Variants in GPHN observed in about 807,000 individuals in gnomAD.
The protein encoded by GPHN is gephyrin.
A neutral mutation model predicts 95.5 loss-of-function variants in GPHN; 17 were observed. That is an observed-to-expected ratio of 0.18 (90% CI 0.12 to 0.27). GPHN has a LOEUF of 0.27. GPHN is among the 10% of genes least tolerant of loss of function. The pLI, the probability that GPHN is intolerant of heterozygous loss-of-function variation, is 1.00. For synonymous variants in GPHN, 320 were observed against 322.5 expected, an observed-to-expected ratio of 0.99 and a Z score of 0.08; for missense variants, 660 against 978.1, an observed-to-expected ratio of 0.67 and a Z score of 4.34.
At chr14:67,686,354 T>C in the GPHN span, 6 of 152,196 alleles carry the variant, frequency 3.9e-5, no homozygotes, top group Admixed American at 6.6e-5. Context: ...GAGTGCCTGA[T>C]GCAGCTGGGC....
At chr14:67,573,271 C>T in the GPHN span, 1 of 1,592,314 alleles carries the variant, frequency 6.3e-7, no homozygotes, top group Non-Finnish European at 8.6e-7. This position sits in a 1 kb window ranked among gnomAD's most constrained non-coding sequence, Gnocchi z 4.8. Flanking sequence ...CCTTCCACCC[C>T]TCAGGAGTCA....
chr14:66,877,135 A>G (rs1596247006), intron 4 of GPHN, among the ~76,000 whole-genome samples: 1 of 152,138 alleles, frequency 6.6e-6, no homozygotes, highest in African/African-American at 2.4e-5. Context: ...ATGACAAAAA[A>G]CACATCATTA....
intron 9 of GPHN, among the ~76,000 whole-genome samples, 198 bp downstream of exon 9, chr14:66,965,523 T>G (rs1234281167): frequency 6.6e-6 from 1 of 152,208 alleles, no homozygotes; most frequent in Non-Finnish European, 1.5e-5. Flanking sequence ...ACAGATTTCA[T>G]TCAAAATGTC....
the GPHN span, chr14:67,674,608 C>G: frequency 1.9e-5 from 14 of 723,260 alleles, no homozygotes; most frequent in Non-Finnish European, 2.9e-5. Context: ...CACCGCCGCC[C>G]AGGACGAGGC....
intron 10 of GPHN, among the ~76,000 whole-genome samples, chr14:67,048,344 C>A (rs1430337129): frequency 1.3e-5 from 2 of 152,146 alleles, no homozygotes; most frequent in Non-Finnish European, 2.9e-5. Context: ...TGCAAAAATT[C>A]TGAACTAAAA....
chr14:67,726,275 G>A, the GPHN span: 3 of 742,650 alleles, frequency 4.0e-6, no homozygotes, highest in Non-Finnish European at 7.4e-6. Flanking sequence ...AATTCCAATA[G>A]ACTAGACCCA....
chr14:67,392,358 T>C, the GPHN span: 3 of 1,613,376 alleles, frequency 1.9e-6, no homozygotes. Context: ...TTCACCACCG[T>C]GCCACTTAAC....
intron 1 of GPHN, among the ~76,000 whole-genome samples, chr14:66,552,924 G>T (rs2059869550): frequency 6.7e-6 from 1 of 148,328 alleles, no homozygotes; most frequent in Admixed American, 6.7e-5. Flanking sequence ...TCTCAGTGTG[G>T]TTCTCTTTAT....
intron 1 of GPHN, among the ~76,000 whole-genome samples, chr14:66,653,639 C>G (rs1365215899): frequency 1.3e-5 from 2 of 152,142 alleles, no homozygotes; most frequent in East Asian, 3.8e-4. Context: ...TTCTCCATTT[C>G]TATAATATTG....
chr14:67,480,934 G>C, the GPHN span, among the ~76,000 whole-genome samples: 1 of 152,186 alleles, frequency 6.6e-6, no homozygotes, highest in East Asian at 1.9e-4. Flanking sequence ...AACCCTTGGA[G>C]CAGAAGCAAG....
At chr14:67,155,091 A>C (rs2081506103) in intron 18 of GPHN, among the ~76,000 whole-genome samples, 1 of 152,248 alleles carries the variant, frequency 6.6e-6, no homozygotes, top group Non-Finnish European at 1.5e-5. Context: ...CTAATGAAAT[A>C]AGCAGAATTT....
intron 17 of GPHN, among the ~76,000 whole-genome samples, chr14:67,133,516 A>C (rs1013575819): frequency 4.6e-5 from 7 of 152,210 alleles, no homozygotes; most frequent in Non-Finnish European, 7.4e-5. Flanking sequence ...AAATAATTTT[A>C]TGCCAGAATC....
At chr14:67,340,257 A>G in the GPHN span, 1 of 557,446 alleles carries the variant, frequency 1.8e-6, no homozygotes, top group East Asian at 2.9e-5. Context: ...TTATAGGTAC[A>G]TGTAAAATTT....
chr14:67,014,180 G>A (rs2073170267), intron 9 of GPHN, among the ~76,000 whole-genome samples: 1 of 152,056 alleles, frequency 6.6e-6, no homozygotes, highest in Non-Finnish European at 1.5e-5. Context: ...CAACAATATA[G>A]TAATAGCTAA....
intron 7 of GPHN, 82 bp from the exon 8 acceptor site, chr14:66,924,112 T>G: frequency 1.3e-6 from 1 of 797,466 alleles, no homozygotes; most frequent in Non-Finnish European, 2.2e-6. Context: ...GTTTTTACCT[T>G]TTTTCCTTTT....
intron 4 of GPHN, among the ~76,000 whole-genome samples, chr14:66,856,248 G>A (rs1443046259): frequency 3.3e-5 from 5 of 152,088 alleles, no homozygotes; most frequent in African/African-American, 1.2e-4. Context: ...TTGATTTTGT[G>A]CTATTCATGT....
intron 8 of GPHN, among the ~76,000 whole-genome samples, chr14:66,962,256 A>G (rs1257633464): frequency 6.6e-6 from 1 of 150,898 alleles, no homozygotes; most frequent in Non-Finnish European, 1.5e-5. Context: ...TCATCTTTAG[A>G]ATCTCATTTA....
chr14:66,840,736 CAAAAA>C (rs553788734), intron 4 of GPHN, among the ~76,000 whole-genome samples: 1 of 81,166 alleles, frequency 1.2e-5, no homozygotes, highest in Non-Finnish European at 3.2e-5. Context: ...GCAGGCCATA[CAAAAA>C]AAAAAAAAAA....
At chr14:66,720,872 A>G (rs1030247848) in intron 2 of GPHN, among the ~76,000 whole-genome samples, 5 of 152,142 alleles carry the variant, frequency 3.3e-5, no homozygotes, top group African/African-American at 4.8e-5. Flanking sequence ...CTCTTTGTAA[A>G]AAACAGAAAA....
Sources: allele counts gnomAD v4.1 joint callset (sites outside exome capture counted in the v4.1 genomes callset), GRCh38; gene constraint gnomAD v4.1.1; non-coding constraint Gnocchi (gnomAD v3.1); transcripts MANE v1.5; gene names NCBI Gene and HGNC (gene_info 2026-07-23, HGNC 2026-07-21).